Variants in ARID1B observed in about 807,000 individuals in gnomAD.
The protein encoded by ARID1B is AT-rich interactive domain-containing protein 1B.
ARID1B carries 30 observed loss-of-function variants against 212.3 expected under a neutral mutation model. That is an observed-to-expected ratio of 0.14 (90% CI 0.11 to 0.19). ARID1B has a LOEUF of 0.19. Ranked by LOEUF, ARID1B falls within the 10% of genes least tolerant of loss-of-function variation. The pLI, the probability that ARID1B is intolerant of heterozygous loss-of-function variation, is 1.00. For synonymous variants in ARID1B, 1,402 were observed against 1,301.7 expected (o/e 1.08, Z -1.66); for missense variants, 2,891 against 3,204.0 (o/e 0.90, Z 2.36).
At chr6:156,999,842 A>G (rs1778810297) in intron 4 of ARID1B, among the ~76,000 whole-genome samples, 1 of 152,226 alleles carries the variant, frequency 6.6e-6, no homozygotes, top group Non-Finnish European at 1.5e-5. Context: ...CTAAACACCC[A>G]TTTCTAATAA....
At chr6:156,998,170 CTT>C (rs1201287021) in intron 4 of ARID1B, among the ~76,000 whole-genome samples, 1 of 150,568 alleles carries the variant, frequency 6.6e-6, no homozygotes, top group Non-Finnish European at 1.5e-5. Context: ...CTAGATCTAG[CTT>C]TTCTGTTTTG....
At chr6:157,008,178 C>T (rs755648575) in intron 4 of ARID1B, among the ~76,000 whole-genome samples, 20 of 152,044 alleles carry the variant, frequency 1.3e-4, no homozygotes, top group Admixed American at 5.9e-4. Flanking sequence ...TAAAGTTTAC[C>T]ATTTCAACGA....
intron 1 of ARID1B, among the ~76,000 whole-genome samples, chr6:156,804,742 C>T (rs1369541597): frequency 6.6e-6 from 1 of 151,562 alleles, no homozygotes; most frequent in African/African-American, 2.4e-5. Context: ...ACTATAATTC[C>T]AGATAAGATT....
intron 8 of ARID1B, among the ~76,000 whole-genome samples, chr6:157,159,885 C>T (rs1394396670): frequency 6.6e-6 from 1 of 152,230 alleles, no homozygotes; most frequent in Non-Finnish European, 1.5e-5. Context: ...GACAAAGTTA[C>T]TACTGTTCCT....
intron 1 of ARID1B, among the ~76,000 whole-genome samples, chr6:156,823,964 A>G (rs1248441470): frequency 6.6e-6 from 1 of 152,214 alleles, no homozygotes. Context: ...AACTTGGATC[A>G]TCTTGAAAAG....
intron 4 of ARID1B, chr6:156,939,142 A>C (rs1258056256): frequency 3.3e-5 from 5 of 152,202 alleles, no homozygotes; most frequent in Non-Finnish European, 7.4e-5. Flanking sequence ...TGTTATTGAT[A>C]AATCTTAACA....
intron 7 of ARID1B, among the ~76,000 whole-genome samples, chr6:157,139,500 G>T (rs900566646): frequency 6.6e-6 from 1 of 152,144 alleles, no homozygotes; most frequent in Non-Finnish European, 1.5e-5. Context: ...ACCCTCCCTG[G>T]CCCGCCTGCA....
intron 4 of ARID1B, chr6:156,937,620 T>G (rs1217308266): frequency 6.6e-6 from 1 of 152,244 alleles, no homozygotes; most frequent in Non-Finnish European, 1.5e-5. Flanking sequence ...AGGGATGGCA[T>G]GAAGTATTGT....
At chr6:156,886,198 T>C (rs111962330) in intron 2 of ARID1B, among the ~76,000 whole-genome samples, 2 of 152,148 alleles carry the variant, frequency 1.3e-5, no homozygotes, top group African/African-American at 4.8e-5. Flanking sequence ...AGTGTTGCTG[T>C]TATTGTTTGT....
At chr6:156,893,070 T>A (rs1284095035) in intron 2 of ARID1B, among the ~76,000 whole-genome samples, 1 of 137,474 alleles carries the variant, frequency 7.3e-6, no homozygotes, top group Non-Finnish European at 1.6e-5. Context: ...TGAGATGGAG[T>A]CTTGCCCTGT....
chr6:156,848,184 G>A (rs1466569009), intron 2 of ARID1B, among the ~76,000 whole-genome samples: 3 of 152,218 alleles, frequency 2.0e-5, no homozygotes, highest in Non-Finnish European at 2.9e-5. Context: ...GTTAGTCATT[G>A]TAGCATAATC....
rs1193086515 is a variant in ARID1B at position 156,778,197 on chromosome 6, G to A, written c.517G>A (p.Ala173Thr). 6.5e-7 allele frequency: 1 copy of A among 1,538,272 alleles called. No homozygotes were observed. The highest frequency in any genetic ancestry group is 1.4e-5 in the African/African-American group (1 of 72,376). Residue 173 changes from alanine to threonine, a missense_variant, in exon 1 of 20, where the codon GCC becomes ACC. Ala to Thr is a moderately conservative substitution (Grantham distance 58, BLOSUM62 0). Around this residue, in one of 7 missense-constraint regions of ARID1B, gnomAD observed 1,643 missense variants for 1,544.0 expected, o/e 1.06. Transcript: ENST00000636930. ...CCAGCAGCACCACCACCACCACCATGCCCACCACCACCACCACCATGCCCA... is the reference window on the plus strand; with the variant it reads ...CCAGCAGCACCACCACCACCACCATACCCACCACCACCACCACCATGCCCA... ...PHQQHHHHHH[A>T]HHHHHHAHHL...
Position 156,921,438 on chromosome 6 carries a change from A to AACAC in ARID1B, c.2137-13976_2137-13973dup, listed in dbSNP as rs10560265. 3.3e-3 allele frequency among the ~76,000 whole-genome samples: 447 copies of AACAC among 135,966 alleles called. 2 individuals are homozygous for AACAC. The highest frequency in any genetic ancestry group is 7.8e-3 in the African/African-American group (280 of 35,690). The allele number at this position is 135,966 out of a possible 152,430, so 89.2% of individuals were successfully genotyped here. On this transcript the variant is annotated intron_variant, in intron 3 of 19. Transcript: ENST00000636930. ...CTACAGTAATAGCACTTGATGGGAA[A>AACAC]ACACACACACACACACACACACACA... is the stretch of plus-strand genomic sequence containing the variant.
In ARID1B at chr6:157,004,916, T is replaced by TTTTTTTTTTTTTTTTTTG. The variant is rs1779147621; in HGVS notation, c.2247+69355_2247+69356insTTGTTTTTTTTTTTTTTT. On this transcript the variant is annotated intron_variant, in intron 4 of 19. Coordinates refer to ENST00000636930, the MANE Select transcript of ARID1B (RefSeq NM_001374828.1). ...TTTTTTCTTTTTTTTTTTTTTTTTT[T>TTTTTTTTTTTTTTTTTTG]TTTTTTTTTTTTTTTGAGATGAGCC... 2.6e-5 allele frequency among the ~76,000 whole-genome samples: 3 copies of TTTTTTTTTTTTTTTTTTG among 116,478 alleles called. 1 individual carries two copies. Among genetic ancestry groups the TTTTTTTTTTTTTTTTTTG allele is most frequent in the Non-Finnish European group, 5.2e-5 (3 of 57,432 alleles). The allele number at this position is 116,478 out of a possible 152,430, so 76.4% of individuals were successfully genotyped here.
chr6:156,983,531 G>A (rs1002414745), intron 4 of ARID1B, among the ~76,000 whole-genome samples: 7 of 152,332 alleles, frequency 4.6e-5, no homozygotes, highest in African/African-American at 1.4e-4. Flanking sequence ...ATGTTGATAT[G>A]TGAAATATGC....
Position 157,148,076 on chromosome 6 carries a change from C to G in ARID1B, c.2762-548C>G, listed in dbSNP as rs1789930993. Among the ~76,000 whole-genome samples the G allele has an allele frequency of 6.6e-6, 1 of 151,632 alleles. No individual in the cohort carries two copies. The highest frequency in any genetic ancestry group is 6.6e-5 in the Admixed American group (1 of 15,226). ...GAAAGAAAGAAAGAAAAATATTATT[C>G]CCAACTTAGAGGAAAACTGGGGCTC... On this transcript the variant is annotated intron_variant, in intron 7 of 19. Coordinates refer to ENST00000636930, the MANE Select transcript of ARID1B (RefSeq NM_001374828.1). The surrounding 1 kb of genome is among the most constrained non-coding windows in gnomAD (Gnocchi z 5.6).
intron 3 of ARID1B, among the ~76,000 whole-genome samples, chr6:156,916,636 T>G (rs574680686): frequency 6.6e-6 from 1 of 152,162 alleles, no homozygotes; most frequent in Non-Finnish European, 1.5e-5. Context: ...GCTTGCCTTA[T>G]GTTTCCCCGT....
intron 6 of ARID1B, among the ~76,000 whole-genome samples, chr6:157,129,746 A>G (rs890002572): frequency 4.6e-5 from 7 of 152,246 alleles, no homozygotes; most frequent in African/African-American, 1.4e-4. Context: ...CAAGTGGAAC[A>G]CTACATATGT....
At chr6:156,924,827 A>G (rs1791093283) in intron 3 of ARID1B, among the ~76,000 whole-genome samples, 1 of 152,228 alleles carries the variant, frequency 6.6e-6, no homozygotes, top group Non-Finnish European at 1.5e-5. Context: ...CCCTACAAAA[A>G]GTATAGAGAG....
Sources: allele counts gnomAD v4.1 joint callset (sites outside exome capture counted in the v4.1 genomes callset), GRCh38; gene constraint gnomAD v4.1.1; regional missense constraint gnomAD v4.1.1; non-coding constraint Gnocchi (gnomAD v3.1); transcripts MANE v1.5; gene names NCBI Gene and HGNC (gene_info 2026-07-23, HGNC 2026-07-21).